The following SLCO1B3 variants were observed in gnomAD, a reference collection of about 807,000 sequenced individuals.
SLCO1B3 encodes the protein solute carrier organic anion transporter family member 1B3.
In SLCO1B3, 72 loss-of-function variants were observed where a neutral mutation model predicts 71.8. The observed-to-expected ratio is 1.00, with a 90% CI of 0.83 to 1.22. The LOEUF is 1.22. Among genes scored for constraint, SLCO1B3 ranks in the 50% most tolerant of loss-of-function variants. The pLI, the probability that SLCO1B3 is intolerant of heterozygous loss-of-function variation, is 0.00. For synonymous variants in SLCO1B3, 298 were observed against 278.4 expected (o/e 1.07, Z -0.70); for missense variants, 911 against 819.7 (o/e 1.11, Z -1.36).
chr12:20,887,365 A>G (rs1865810558), intron 13 of SLCO1B3, among the ~76,000 whole-genome samples: 1 of 151,976 alleles, frequency 6.6e-6, no homozygotes, highest in South Asian at 2.1e-4. Context: ...TTTTCTTTTC[A>G]TCTTCACCAA....
chr12:20,829,818 C>G (rs1337926587), intron 3 of SLCO1B3, among the ~76,000 whole-genome samples: 3 of 152,104 alleles, frequency 2.0e-5, no homozygotes, highest in Non-Finnish European at 1.5e-5. Flanking sequence ...TCATGCCTCC[C>G]CTTTGTAGAC....
rs1379206718 is a variant in SLCO1B3, at chr12:20,911,737, A to T, written c.1866-4267A>T. 5.9e-5 allele frequency among the ~76,000 whole-genome samples: 9 copies of T among 152,280 alleles called. No homozygotes were observed. In the East Asian group the frequency reaches 1.5e-3, roughly 26 times the overall value. On this transcript the variant is annotated intron_variant, in intron 15 of 15. Coordinates refer to ENST00000381545, the MANE Select transcript of SLCO1B3 (RefSeq NM_019844.4). ...TTGGGGGCATGATGTTGTTTATGGC[A>T]TTCCCTTTTGATCCTTTTAAGGTCA...
At chr12:20,839,375 A>G (rs1274937652) in intron 3 of SLCO1B3, among the ~76,000 whole-genome samples, 1 of 152,040 alleles carries the variant, frequency 6.6e-6, no homozygotes, top group East Asian at 1.9e-4. Flanking sequence ...ATTTTTGTTT[A>G]TCTGAGAAAT....
intron 3 of SLCO1B3, among the ~76,000 whole-genome samples, chr12:20,847,095 A>G (rs1864935101): frequency 6.6e-6 from 1 of 152,130 alleles, no homozygotes; most frequent in African/African-American, 2.4e-5. Context: ...TCCTGGAGGT[A>G]TTTAGAAAGC....
chr12:20,880,661 T>A (rs180876900), intron 11 of SLCO1B3, among the ~76,000 whole-genome samples, 194 bp from the exon 12 acceptor site: 85 of 152,216 alleles, frequency 5.6e-4, no homozygotes, highest in African/African-American at 1.9e-3. Context: ...ATTACAAAAA[T>A]TGCCATTTTG....
At chr12:20,812,717 G>A (rs929421584) in intron 1 of SLCO1B3, among the ~76,000 whole-genome samples, 1 of 152,302 alleles carries the variant, frequency 6.6e-6, no homozygotes, top group East Asian at 1.9e-4. Context: ...AAGAAAGCAA[G>A]CTGGAAGACA....
intron 3 of SLCO1B3, among the ~76,000 whole-genome samples, chr12:20,819,292 T>G (rs1265901620): frequency 6.6e-6 from 1 of 152,166 alleles, no homozygotes; most frequent in Non-Finnish European, 1.5e-5. Flanking sequence ...AGAGCATGTG[T>G]GTTTTTACGA....
Position 20,862,431 on chromosome 12 carries a change from G to C in SLCO1B3, c.501G>C (p.Gly167=). ...IVEKDCVKES[G]SHMWIYVFMG... is the part of the protein sequence containing the mutation. The stretch of plus-strand genomic sequence containing the variant: ...CGATAGATTGTGTAAAGGAATCTGG[G>C]TCACACATGTGGATCTATGTCTTCA... The change falls in exon 7 of 16, where the codon GGG becomes GGC. Residue 167 remains glycine, a synonymous_variant. Transcript: ENST00000381545. 1 of 1,612,420 alleles carries C rather than the reference G, an allele frequency of 6.2e-7. No homozygotes were observed. The highest frequency in any genetic ancestry group is 8.5e-7 in the Non-Finnish European group (1 of 1,179,338).
chr12:20,834,506 A>G (rs1345965517), intron 3 of SLCO1B3, among the ~76,000 whole-genome samples: 1 of 147,908 alleles, frequency 6.8e-6, no homozygotes, highest in Non-Finnish European at 1.5e-5. Flanking sequence ...GATATGTAAC[A>G]TATGTATTTA....
intron 3 of SLCO1B3, among the ~76,000 whole-genome samples, chr12:20,825,890 A>G (rs1186468956): frequency 1.3e-5 from 2 of 151,992 alleles, no homozygotes; most frequent in African/African-American, 2.4e-5. Flanking sequence ...TAAAATGGAC[A>G]TGATAACCTT....
At chr12:20,881,070 T>A (rs1207926227) in intron 12 of SLCO1B3, 50 bp downstream of exon 12, 1 of 1,338,600 alleles carries the variant, frequency 7.5e-7, no homozygotes, top group Non-Finnish European at 1.0e-6. Flanking sequence ...AAATCACAGA[T>A]TTGATTTAAT....
chr12:20,883,418 G>C lies in SLCO1B3; in HGVS notation c.1498G>C (p.Val500Leu), dbSNP rs1167314835. 4.0e-6 allele frequency: 6 copies of C among 1,503,448 alleles called. No homozygotes were observed. In the Admixed American group the frequency reaches 1.5e-4, roughly 37 times the overall value. 93.1% of individuals were successfully genotyped at this position (1,503,448 alleles called of 1,614,324 possible). Residue 500 changes from valine to leucine, a missense_variant and splice_region_variant, in exon 13 of 16, where the codon GTG becomes CTG. By Grantham distance (32) the Val-to-Leu change is conservative (BLOSUM62 1). Coordinates refer to ENST00000381545, the MANE Select transcript of SLCO1B3 (RefSeq NM_019844.4). ...KSSSGIKKHT[V>L]FYNCSCVEVT... is the part of the protein sequence containing the mutation. ...TTAATATTTCAAAAACTATTTTTAGGTGTTTTATAACTGTAGTTGTGTGGA... is the reference window on the plus strand; with the variant it reads ...TTAATATTTCAAAAACTATTTTTAGCTGTTTTATAACTGTAGTTGTGTGGA...
At chr12:20,832,247 A>G (rs936283071) in intron 3 of SLCO1B3, among the ~76,000 whole-genome samples, 1 of 152,232 alleles carries the variant, frequency 6.6e-6, no homozygotes. Context: ...TGAGTTGCAT[A>G]TACAGACTCA....
At chr12:20,855,250 G>C in intron 4 of SLCO1B3, 81 bp downstream of exon 4, 1 of 1,207,930 alleles carries the variant, frequency 8.3e-7, no homozygotes, top group Non-Finnish European at 1.2e-6. Context: ...TATATCACTG[G>C]GTCTGGACTA....
Position 20,901,414 on chromosome 12 carries a change from C to T in SLCO1B3, c.1812C>T (p.Thr604=), listed in dbSNP as rs1356487677. Residue 604 remains threonine, a synonymous_variant, in exon 15 of 16, where the codon ACC becomes ACT. Transcript: ENST00000381545. ...ATAAAACATGTATGAAGTGGTCCAC[C>T]AACAGCTGTGGAGCACAAGGGGCTT... ...LIDKTCMKWS[T]NSCGAQGACR... 5.7e-6 allele frequency: 9 copies of T among 1,585,432 alleles called. No homozygotes were observed. Among genetic ancestry groups the T allele is most frequent in the Non-Finnish European group, 6.8e-6 (8 of 1,170,706 alleles).
At position 20,815,805 on chromosome 12, in the gene SLCO1B3, C is replaced by T. The variant is rs369736559; in HGVS notation, c.67C>T (p.Arg23Cys). Residue 23 changes from arginine to cysteine, a missense_variant, in exon 3 of 16, where the codon CGC becomes TGC. Arg to Cys is a radical substitution (Grantham distance 180). Transcript: ENST00000381545. ...ATCTTCAGAGAAAAAGAAAACAAGA[C>T]GCTGCAATGGATTCAAGGTAGAATG... is the stretch of plus-strand genomic sequence containing the variant. The part of the protein sequence containing the change: ...SASSEKKKTR[R>C]CNGFKMFLAA... The T allele has an allele frequency of 6.2e-5, 98 of 1,591,918 alleles. No individual in the cohort carries two copies. The highest frequency in any genetic ancestry group is 2.0e-4 in the Admixed American group (12 of 58,576).
At chr12:20,869,236 C>A (rs1412347854) in intron 8 of SLCO1B3, among the ~76,000 whole-genome samples, 2 of 152,190 alleles carry the variant, frequency 1.3e-5, no homozygotes, top group South Asian at 4.1e-4. Flanking sequence ...CAATGGGCGT[C>A]TTCCCAGACA....
chr12:20,898,458 G>A lies in SLCO1B3; in HGVS notation c.1705G>A (p.Ala569Thr), dbSNP rs763975880. 1 of 1,599,190 alleles carries A rather than the reference G, an allele frequency of 6.3e-7. No individual in the cohort carries two copies. Among genetic ancestry groups the A allele is most frequent in the East Asian group, 2.2e-5 (1 of 44,460 alleles). The part of the protein sequence containing the change: ...TVKIVQPELK[A>T]LAMGFQSMVI... ...CAGGATTGTTCAACCTGAATTGAAA[G>A]CACTTGCAATGGGTTTCCAGTCAAT... Residue 569 changes from alanine (A) to threonine (T), a missense_variant, in exon 14 of 16, where the codon GCA becomes ACA. Transcript: ENST00000381545.
intron 3 of SLCO1B3, among the ~76,000 whole-genome samples, chr12:20,819,664 G>T (rs1304706140): frequency 6.6e-6 from 1 of 152,172 alleles, no homozygotes; most frequent in African/African-American, 2.4e-5. Context: ...TGGGGGAATT[G>T]TAAGGAGAGT....
Sources: gnomAD v4.1 joint callset for allele counts (sites outside exome capture counted in the v4.1 genomes callset) on GRCh38, gnomAD v4.1.1 for gene constraint, MANE v1.5 for transcripts, NCBI Gene and HGNC (gene_info 2026-07-23, HGNC 2026-07-21) for gene names.